EYS: variants seen among roughly 807,000 people sequenced by gnomAD.
EYS encodes protein eyes shut homolog.
Under a neutral mutation model 282.1 loss-of-function variants are expected in EYS, and 250 were observed. The observed-to-expected ratio is 0.89, with a 90% CI of 0.80 to 0.98. The LOEUF (loss-of-function observed/expected upper bound fraction) is 0.98. Ranked by LOEUF, EYS falls within the 50% of genes least tolerant of loss-of-function variation. The pLI, the probability that EYS is intolerant of heterozygous loss-of-function variation, is 0.00. For missense variants in EYS, 4,016 were observed against 3,709.0 expected, an observed-to-expected ratio of 1.08 and a Z score of -2.15; for synonymous variants, 1,355 against 1,282.9, an observed-to-expected ratio of 1.06 and a Z score of -1.20.
At chr6:65,600,460 A>AAT (rs1765577333) in intron 2 of EYS, among the ~76,000 whole-genome samples, 1 of 151,976 alleles carries the variant, frequency 6.6e-6, no homozygotes, top group African/African-American at 2.4e-5. Flanking sequence ...TCCTAAATTA[A>AAT]ATGTCAACTA....
rs956637344 is a variant in EYS, at chr6:64,245,285, G to A, written c.6192-14461C>T. ...ATTTTTAAAACTCTTTACTCAGGTTGTTTTGTTTGTTTTGTTTTTGTTTTT... is the reference window on the plus strand; with the variant it reads ...ATTTTTAAAACTCTTTACTCAGGTTATTTTGTTTGTTTTGTTTTTGTTTTT... On this transcript the variant is annotated intron_variant, in intron 30 of 42. Coordinates refer to ENST00000503581, the MANE Select transcript of EYS (RefSeq NM_001142800.2). Among the ~76,000 whole-genome samples, 7 of 151,308 alleles carry A rather than the reference G, an allele frequency of 4.6e-5. No individual in the cohort carries two copies. The Admixed American group carries it at 4.6e-4, about 10-fold the overall frequency.
At chr6:65,593,031 A>T (rs1474638870) in intron 2 of EYS, among the ~76,000 whole-genome samples, 1 of 152,010 alleles carries the variant, frequency 6.6e-6, no homozygotes, top group East Asian at 1.9e-4. Flanking sequence ...TAAATAAATC[A>T]CTAATAATTC....
In EYS at chr6:65,443,267, CAT is replaced by C. The variant is rs776987562; in HGVS notation, c.863-37902_863-37901del. On this transcript the variant is annotated intron_variant, in intron 5 of 42. Transcript: ENST00000503581. ...ACATATGTGTATACATATATGCAAA[CAT>C]ATAGACATGTATGCATGCATATATG... Among the ~76,000 whole-genome samples the C allele has an allele frequency of 3.5e-4, 46 of 133,068 alleles. 5 individuals carry two copies. The highest frequency in any genetic ancestry group is 7.5e-4 in the African/African-American group (30 of 40,186). The allele number at this position is 133,068 out of a possible 152,430, so 87.3% of individuals were successfully genotyped here. A position where few individuals can be genotyped will look rare whatever the true frequency, so the allele number is the denominator to read the frequency against.
rs149014203 is a variant in EYS at position 63,884,678 on chromosome 6, G to A, written c.7056-20320C>T. ...GTCAAATTTATTTTTCAGATAGTCC[G>A]TCAAATCCTGATTTTCGAAATCTTA... On this transcript the variant is annotated intron_variant, in intron 35 of 42. Coordinates refer to ENST00000503581, the MANE Select transcript of EYS (RefSeq NM_001142800.2). Among the ~76,000 whole-genome samples, 253 of 152,164 alleles carry A rather than the reference G, an allele frequency of 1.7e-3. 1 individual carries two copies. The highest frequency in any genetic ancestry group is 5.7e-3 in the African/African-American group (238 of 41,518).
intron 35 of EYS, among the ~76,000 whole-genome samples, chr6:63,884,307 TA>T (rs5876874): frequency 0.37 from 55,510 of 149,906 alleles, 10,588 homozygotes; most frequent in South Asian, 0.48. Context: ...GTAAAAAGAA[TA>T]AAAAAAAAAA....
chr6:64,611,377 C>A (rs143957100), intron 24 of EYS, among the ~76,000 whole-genome samples: 1 of 152,278 alleles, frequency 6.6e-6, no homozygotes, highest in East Asian at 1.9e-4. Context: ...TCTTTCCTAA[C>A]GACTACTTTA....
intron 31 of EYS, among the ~76,000 whole-genome samples, chr6:64,085,992 T>G (rs1772145372): frequency 6.6e-6 from 1 of 152,204 alleles, no homozygotes; most frequent in Admixed American, 6.5e-5. Flanking sequence ...TTCCTTGTCT[T>G]TCATGACACT....
rs60677973 is a variant in EYS, at chr6:64,026,096, G to A, written c.6726-26913C>T. Among the ~76,000 whole-genome samples, 1,229 of 152,316 alleles carry A rather than the reference G, an allele frequency of 8.1e-3. 14 individuals are homozygous for A. The highest frequency in any genetic ancestry group is 0.027 in the African/African-American group (1,132 of 41,570). ...CTAGTGTTTCTGCTGCTGCGTCAGTGAGCGCAACTATTCTGATCAGTAGGG... is the reference window on the plus strand; with the variant it reads ...CTAGTGTTTCTGCTGCTGCGTCAGTAAGCGCAACTATTCTGATCAGTAGGG... On this transcript the variant is annotated intron_variant, in intron 33 of 42. Transcript: ENST00000503581.
intron 12 of EYS, among the ~76,000 whole-genome samples, chr6:65,268,689 T>C (rs1031577590): frequency 6.6e-6 from 1 of 152,106 alleles, no homozygotes; most frequent in African/African-American, 2.4e-5. Flanking sequence ...TAAGGGATTG[T>C]ATCATTCTCA....
At chr6:64,747,469 G>A (rs961790010) in intron 22 of EYS, among the ~76,000 whole-genome samples, 24 of 152,028 alleles carry the variant, frequency 1.6e-4, no homozygotes, top group Admixed American at 1.2e-3. Context: ...CCGCCTCCCC[G>A]GTCCTGGTTC....
intron 30 of EYS, among the ~76,000 whole-genome samples, chr6:64,256,677 C>G (rs762924788): frequency 4.6e-5 from 7 of 151,972 alleles, no homozygotes; most frequent in Non-Finnish European, 8.8e-5. Context: ...TGCCTATCTA[C>G]AGAGGAGCAC....
At chr6:65,420,303 T>C (rs1767405566) in intron 5 of EYS, among the ~76,000 whole-genome samples, 1 of 152,004 alleles carries the variant, frequency 6.6e-6, no homozygotes. Context: ...ACTTCAACAA[T>C]GTTCACAGCA....
chr6:64,503,618 T>C (rs763861319), intron 26 of EYS, among the ~76,000 whole-genome samples: 49 of 152,164 alleles, frequency 3.2e-4, no homozygotes, highest in Non-Finnish European at 8.8e-5. Context: ...AACTGATAGT[T>C]TGGCTACCCA....
intron 31 of EYS, among the ~76,000 whole-genome samples, chr6:64,128,544 A>G (rs887832108): frequency 6.6e-6 from 1 of 152,156 alleles, no homozygotes. Flanking sequence ...TCCCTAAGCA[A>G]CAGACAGAAA....
chr6:65,575,613 T>C (rs1006537469), intron 2 of EYS, among the ~76,000 whole-genome samples: 2 of 151,544 alleles, frequency 1.3e-5, no homozygotes, highest in African/African-American at 4.8e-5. Context: ...ATAAATAATA[T>C]AGACATGAGA....
intron 5 of EYS, among the ~76,000 whole-genome samples, chr6:65,465,899 G>A (rs1338177936): frequency 6.6e-6 from 1 of 152,050 alleles, no homozygotes; most frequent in Admixed American, 6.6e-5. Context: ...TTGAGGCTGG[G>A]AAATTGAGGC....
At chr6:64,633,616 C>T (rs1412062485) in intron 22 of EYS, among the ~76,000 whole-genome samples, 1 of 77,698 alleles carries the variant, frequency 1.3e-5, no homozygotes, top group East Asian at 3.7e-4. Flanking sequence ...TTCTTTCATA[C>T]TTTTCTCAGC....
At chr6:65,079,108 A>G (rs1774146981) in intron 12 of EYS, among the ~76,000 whole-genome samples, 1 of 152,048 alleles carries the variant, frequency 6.6e-6, no homozygotes, top group Non-Finnish European at 1.5e-5. Flanking sequence ...TAGCAATGCA[A>G]GAATAGCCTA....
intron 22 of EYS, among the ~76,000 whole-genome samples, chr6:64,642,425 A>G (rs566078289): frequency 6.6e-6 from 1 of 152,314 alleles, no homozygotes; most frequent in African/African-American, 2.4e-5. Flanking sequence ...TTATATACAC[A>G]TATTTTCCTA....
Sources: allele counts gnomAD v4.1 joint callset (sites outside exome capture counted in the v4.1 genomes callset), GRCh38; gene constraint gnomAD v4.1.1; transcripts MANE v1.5; gene names NCBI Gene and HGNC (gene_info 2026-07-23, HGNC 2026-07-21).